The following ABTB3 variants were observed in gnomAD, a reference collection of about 807,000 sequenced individuals.
The protein encoded by ABTB3 is ankyrin repeat- and BTB/POZ domain-containing protein 3.
chr12:107,349,771 A>G, the ABTB3 span, among the ~76,000 whole-genome samples: 1 of 152,244 alleles, frequency 6.6e-6, no homozygotes, highest in African/African-American at 2.4e-5. Flanking sequence ...TGTGCATCCT[A>G]TATTTTAACT....
At chr12:107,613,482 G>C in the ABTB3 span, among the ~76,000 whole-genome samples, 1 of 152,092 alleles carries the variant, frequency 6.6e-6, no homozygotes, top group Non-Finnish European at 1.5e-5. Context: ...GAATCTGACA[G>C]ATTTGGGTTC....
At chr12:107,513,165 T>C in the ABTB3 span, among the ~76,000 whole-genome samples, 1 of 152,202 alleles carries the variant, frequency 6.6e-6, no homozygotes, top group Non-Finnish European at 1.5e-5. Context: ...TCCATAAAAG[T>C]TGGCTGTTCT....
At chr12:107,648,206 C>T in the ABTB3 span, among the ~76,000 whole-genome samples, 1 of 152,070 alleles carries the variant, frequency 6.6e-6, no homozygotes, top group Non-Finnish European at 1.5e-5. Flanking sequence ...CACAGAGAAA[C>T]CCCGTCTCTA....
chr12:107,647,172 A>G, the ABTB3 span, among the ~76,000 whole-genome samples: 1 of 152,156 alleles, frequency 6.6e-6, no homozygotes, highest in Non-Finnish European at 1.5e-5. Context: ...TCTACAAAAA[A>G]TACAAAAATT....
chr12:107,576,976 G>A, the ABTB3 span, among the ~76,000 whole-genome samples: 1 of 152,146 alleles, frequency 6.6e-6, no homozygotes, highest in East Asian at 1.9e-4. Flanking sequence ...TACTTCCTAA[G>A]GCCCCAGCAA....
At chr12:107,485,109 G>C in the ABTB3 span, among the ~76,000 whole-genome samples, 1 of 152,158 alleles carries the variant, frequency 6.6e-6, no homozygotes, top group Non-Finnish European at 1.5e-5. Context: ...CCATTTTAGA[G>C]ATGAAGAAAC....
At chr12:107,494,563 C>T in the ABTB3 span, among the ~76,000 whole-genome samples, 3 of 152,172 alleles carry the variant, frequency 2.0e-5, no homozygotes, top group Non-Finnish European at 2.9e-5. Flanking sequence ...GACTTAGCCT[C>T]ACAGGTGCCA....
the ABTB3 span, among the ~76,000 whole-genome samples, chr12:107,387,499 T>TTGTAGATGACTGTTCAG: frequency 6.6e-6 from 1 of 152,206 alleles, no homozygotes; most frequent in African/African-American, 2.4e-5. Flanking sequence ...CTTTGCCAGC[T>TTGTAGATGACTGTTCAG]TGTAGATGAC....
the ABTB3 span, among the ~76,000 whole-genome samples, chr12:107,413,920 T>C: frequency 2.0e-5 from 3 of 152,216 alleles, no homozygotes; most frequent in Non-Finnish European, 4.4e-5. Context: ...GGGCTTTCAA[T>C]ACACAGTGAA....
At chr12:107,488,679 AT>A in the ABTB3 span, among the ~76,000 whole-genome samples, 5 of 149,894 alleles carry the variant, frequency 3.3e-5, no homozygotes, top group African/African-American at 1.2e-4. Context: ...TATATAAAAT[AT>A]TATATATTAT....
chr12:107,454,830 T>C, the ABTB3 span, among the ~76,000 whole-genome samples: 1 of 152,216 alleles, frequency 6.6e-6, no homozygotes, highest in Non-Finnish European at 1.5e-5. Context: ...TCTGGTTACT[T>C]TATATTATAG....
chr12:107,561,688 A>G, the ABTB3 span, among the ~76,000 whole-genome samples: 1 of 152,128 alleles, frequency 6.6e-6, no homozygotes, highest in Non-Finnish European at 1.5e-5. Context: ...GAGTTAATAA[A>G]TCGGGAACCA....
At chr12:107,321,250 A>G in the ABTB3 span, among the ~76,000 whole-genome samples, 1 of 152,004 alleles carries the variant, frequency 6.6e-6, no homozygotes, top group Non-Finnish European at 1.5e-5. Context: ...GGGCTGGAGG[A>G]GCACTGCGGT....
At chr12:107,374,296 A>G in the ABTB3 span, among the ~76,000 whole-genome samples, 1 of 152,122 alleles carries the variant, frequency 6.6e-6, no homozygotes, top group Non-Finnish European at 1.5e-5. Context: ...CAACAGACAC[A>G]GTTCCGGCTT....
At chr12:107,656,036 C>G in the ABTB3 span, among the ~76,000 whole-genome samples, 11 of 151,856 alleles carry the variant, frequency 7.2e-5, no homozygotes, top group Admixed American at 1.3e-4. Context: ...GCCTGTAATC[C>G]CAGCATTTTG....
chr12:107,517,284 C>T, the ABTB3 span, among the ~76,000 whole-genome samples: 42 of 152,240 alleles, frequency 2.8e-4, no homozygotes, highest in African/African-American at 4.1e-4. Flanking sequence ...TGTAGTATAG[C>T]TTGAAGTCAG....
the ABTB3 span, among the ~76,000 whole-genome samples, chr12:107,469,085 C>G: frequency 2.6e-5 from 4 of 152,204 alleles, no homozygotes; most frequent in African/African-American, 9.7e-5. Flanking sequence ...ATGTGGCTAC[C>G]TGTGGGGCCT....
chr12:107,487,470 A>G, the ABTB3 span, among the ~76,000 whole-genome samples: 1 of 152,142 alleles, frequency 6.6e-6, no homozygotes, highest in African/African-American at 2.4e-5. Context: ...CCTCAGTGCC[A>G]GAGTCTATTT....
At chr12:107,578,843 A>G in the ABTB3 span, among the ~76,000 whole-genome samples, 5 of 152,226 alleles carry the variant, frequency 3.3e-5, no homozygotes, top group Non-Finnish European at 5.9e-5. Flanking sequence ...ATAGGTCCAC[A>G]GGTCCAGAAA....
Sources: allele counts gnomAD v4.1 joint callset (sites outside exome capture counted in the v4.1 genomes callset), GRCh38; gene constraint gnomAD v4.1.1; transcripts MANE v1.5; gene names NCBI Gene and HGNC (gene_info 2026-07-23, HGNC 2026-07-21).